The following UTP15 variants were observed in gnomAD, a reference collection of about 807,000 sequenced individuals.
The protein encoded by UTP15 is UTP15 small subunit processome component.
A neutral mutation model predicts 59.1 loss-of-function variants in UTP15; 5 were observed. The observed-to-expected ratio is 0.08, with a 90% CI of 0.04 to 0.18. UTP15 has a LOEUF of 0.18. Among genes scored for constraint, UTP15 ranks in the 10% least tolerant of loss-of-function variants. The pLI, the probability that UTP15 is intolerant of heterozygous loss-of-function variation, is 1.00. For synonymous variants in UTP15, 211 were observed against 212.2 expected, an observed-to-expected ratio of 0.99 and a Z score of 0.05; for missense variants, 494 against 616.7, an observed-to-expected ratio of 0.80 and a Z score of 2.11.
At position 73,568,305 on chromosome 5, in the gene UTP15, A is replaced by G. The variant is rs1747840042; in HGVS notation, c.161A>G (p.Tyr54Cys). The change falls in exon 3 of 13, where the codon TAT becomes TGT. Residue 54 changes from tyrosine (Y) to cysteine (C), a missense_variant. By Grantham distance (194) the Tyr-to-Cys change is radical. Transcript: ENST00000296792. ...TTTTCTCCTCAGCCTCCATATAATTATGCTGTCACAGCTTCCTCAAGAGTA... is the reference window on the plus strand; with the variant it reads ...TTTTCTCCTCAGCCTCCATATAATTGTGCTGTCACAGCTTCCTCAAGAGTA... ...VDFSPQPPYN[Y>C]AVTASSRIHI... 1.2e-6 allele frequency: 2 copies of G among 1,610,586 alleles called. No individual in the cohort carries two copies. Among genetic ancestry groups the G allele is most frequent in the East Asian group, 2.2e-5 (1 of 44,810 alleles).
At chr5:73,574,713 C>T (rs1045448720) in intron 7 of UTP15, among the ~76,000 whole-genome samples, 5 of 152,178 alleles carry the variant, frequency 3.3e-5, no homozygotes, top group African/African-American at 1.2e-4. Flanking sequence ...TCTCAAACTC[C>T]TGAGTTCAAC....
At chr5:73,579,457 G>C in intron 12 of UTP15, 82 bp downstream of exon 12, 1 of 1,056,186 alleles carries the variant, frequency 9.5e-7, no homozygotes, top group South Asian at 1.4e-5. Flanking sequence ...AAATCAAGTA[G>C]ATCAAAATAT....
rs139096826 is a variant in UTP15 at position 73,568,301 on chromosome 5, A to G, written c.157A>G (p.Asn53Asp). Residue 53 changes from asparagine to aspartate, a missense_variant, in exon 3 of 13, where the codon AAT becomes GAT. Asn to Asp is a conservative substitution (Grantham distance 23). Coordinates refer to ENST00000296792, the MANE Select transcript of UTP15 (RefSeq NM_032175.4). ...KVDFSPQPPY[N>D]YAVTASSRIH... ...AGACTTTTCTCCTCAGCCTCCATAT[A>G]ATTATGCTGTCACAGCTTCCTCAAG... The G allele has an allele frequency of 3.1e-4, 492 of 1,610,910 alleles. No homozygotes were observed. Among genetic ancestry groups the G allele is most frequent in the Non-Finnish European group, 3.6e-4 (421 of 1,179,020 alleles).
chr5:73,567,651 A>G (rs1747818316), intron 2 of UTP15: 1 of 359,260 alleles, frequency 2.8e-6, no homozygotes, highest in Admixed American at 4.6e-5. Flanking sequence ...TGCCTAGCAC[A>G]GAACAGATGA....
At chr5:73,579,676 T>C (rs372458824) in intron 12 of UTP15, among the ~76,000 whole-genome samples, 1 of 152,186 alleles carries the variant, frequency 6.6e-6, no homozygotes, top group Non-Finnish European at 1.5e-5. Context: ...CACCCTATAC[T>C]TTCTGTAATT....
intron 1 of UTP15, 43 bp downstream of exon 1, chr5:73,565,955 C>T (rs868750353): frequency 2.2e-6 from 1 of 451,610 alleles, no homozygotes. Flanking sequence ...CACACTCACA[C>T]CCGGCCTTCC....
chr5:73,578,161 A>G, intron 9 of UTP15, 156 bp downstream of exon 9: 1 of 687,092 alleles, frequency 1.5e-6, no homozygotes, highest in Non-Finnish European at 2.4e-6. Flanking sequence ...TGGGGACATT[A>G]TTGATGAGTA....
Position 73,578,850 on chromosome 5 carries a change from G to C in UTP15, c.1144G>C (p.Asp382His). ...CTCTAAGGCACTCGATAGAGTTCTT[G>C]ATGTGAGTGAGCATTTTTTAAAAAA... ...RISKALDRVL[D>H]PTCTIKTPEI... The change falls in exon 10 of 13, where the codon GAT (aspartate) becomes CAT (histidine). Residue 382 changes from aspartate (D) to histidine (H), a missense_variant and splice_region_variant. Coordinates refer to ENST00000296792, the MANE Select transcript of UTP15 (RefSeq NM_032175.4). 6.2e-7 allele frequency: 1 copy of C among 1,604,166 alleles called. No individual in the cohort carries two copies. Among genetic ancestry groups the C allele is most frequent in the Non-Finnish European group, 8.5e-7 (1 of 1,172,174 alleles).
At chr5:73,579,226 G>T (rs758919481) in intron 11 of UTP15, 76 bp downstream of exon 11, 6 of 1,601,878 alleles carry the variant, frequency 3.7e-6, no homozygotes, top group South Asian at 1.1e-5. Flanking sequence ...CATTTAGTTT[G>T]ATCTTTGTAG....
At chr5:73,578,535 G>T (rs1016278684) in intron 9 of UTP15, 11 of 485,894 alleles carry the variant, frequency 2.3e-5, no homozygotes, top group Admixed American at 7.0e-5. Flanking sequence ...TTATAAGAGA[G>T]TAAGAACATG....
At position 73,573,770 on chromosome 5, in the gene UTP15, C is replaced by T. The variant is rs1209107049; in HGVS notation, c.809+1146C>T. The stretch of plus-strand genomic sequence containing the variant: ...TGTATTTTTAGTAGAGACAGAGTTT[C>T]GCCGTGATGGCCAGGCTGGTCTGGA... On this transcript the variant is annotated intron_variant, in intron 7 of 12. Coordinates refer to ENST00000296792, the MANE Select transcript of UTP15 (RefSeq NM_032175.4). Among the ~76,000 whole-genome samples the T allele has an allele frequency of 5.3e-5, 8 of 151,406 alleles. No homozygotes were observed. In the South Asian group the frequency reaches 1.3e-3, roughly 24 times the overall value.
intron 7 of UTP15, among the ~76,000 whole-genome samples, chr5:73,575,149 T>C (rs1748053763): frequency 6.6e-6 from 1 of 152,226 alleles, no homozygotes; most frequent in Non-Finnish European, 1.5e-5. Context: ...AAGGATTGAC[T>C]GTACATATTT....
At position 73,580,336 on chromosome 5, in the gene UTP15, G is replaced by A. The variant is rs941575967; in HGVS notation, c.*242G>A. The A allele has an allele frequency of 2.7e-5, 10 of 374,288 alleles. No individual in the cohort carries two copies. The highest frequency in any genetic ancestry group is 4.9e-5 in the Non-Finnish European group (10 of 205,590). 23.2% of individuals were successfully genotyped at this position (374,288 alleles called of 1,614,324 possible). A position where few individuals can be genotyped will look rare whatever the true frequency, so the allele number is the denominator to read the frequency against. On this transcript the variant is annotated 3_prime_UTR_variant, in exon 13 of 13. Transcript: ENST00000296792. ...AGATCTCAATTGTCTTAGTCACAGA[G>A]TAGGTTTATCTGGGATGGATATTAA...
At chr5:73,572,668 T>A in intron 7 of UTP15, 44 bp downstream of exon 7, 4 of 1,549,804 alleles carry the variant, frequency 2.6e-6, no homozygotes, top group Non-Finnish European at 3.5e-6. Flanking sequence ...AGTGTACACC[T>A]GTTTACTGCT....
intron 7 of UTP15, among the ~76,000 whole-genome samples, chr5:73,576,661 T>TG (rs1455030175): frequency 6.6e-6 from 1 of 151,744 alleles, no homozygotes; most frequent in African/African-American, 2.4e-5. Flanking sequence ...TTAGTAGAGA[T>TG]GGAGTTTCAC....
At chr5:73,567,870 G>C (rs1747827435) in intron 2 of UTP15, among the ~76,000 whole-genome samples, 1 of 152,168 alleles carries the variant, frequency 6.6e-6, no homozygotes, top group Non-Finnish European at 1.5e-5. Flanking sequence ...GTGAAAAGAA[G>C]CAAGATGTGG....
At chr5:73,574,783 G>T (rs1178036732) in intron 7 of UTP15, among the ~76,000 whole-genome samples, 2 of 152,156 alleles carry the variant, frequency 1.3e-5, no homozygotes, top group Non-Finnish European at 2.9e-5. Flanking sequence ...ACCGTGCCCG[G>T]CTTACATGAT....
intron 1 of UTP15, among the ~76,000 whole-genome samples, chr5:73,566,399 G>C (rs1747766282): frequency 6.6e-6 from 1 of 152,198 alleles, no homozygotes; most frequent in South Asian, 2.1e-4. Context: ...TAGCCCCAGT[G>C]CCTAGAGCAG....
Position 73,580,266 on chromosome 5 carries a change from A to G in UTP15, c.*172A>G, listed in dbSNP as rs1367711455. The G allele has an allele frequency of 5.7e-6, 3 of 525,986 alleles. No homozygotes were observed. The highest frequency in any genetic ancestry group is 3.3e-6 in the Non-Finnish European group (1 of 300,694). The allele number at this position is 525,986 out of a possible 1,614,324, so 32.6% of individuals were successfully genotyped here. A position where few individuals can be genotyped will look rare whatever the true frequency, so the allele number is the denominator to read the frequency against. ...AACAAGTACCCGTTTTAAGTAAGACATGGTTTTCCATGTAATATTTTGAAT... is the reference window on the plus strand; with the variant it reads ...AACAAGTACCCGTTTTAAGTAAGACGTGGTTTTCCATGTAATATTTTGAAT... On this transcript the variant is annotated 3_prime_UTR_variant, in exon 13 of 13. Transcript: ENST00000296792.
Sources: gnomAD v4.1 joint callset for allele counts (sites outside exome capture counted in the v4.1 genomes callset) on GRCh38, gnomAD v4.1.1 for gene constraint, MANE v1.5 for transcripts, NCBI Gene and HGNC (gene_info 2026-07-23, HGNC 2026-07-21) for gene names.